The following MAPKBP1 variants were observed in gnomAD, a reference collection of about 807,000 sequenced individuals.
MAPKBP1 encodes mitogen-activated protein kinase binding protein 1, also known as mitogen-activated protein kinase-binding protein 1.
Under a neutral mutation model 170.5 loss-of-function variants are expected in MAPKBP1, and 71 were observed. That is an observed-to-expected ratio of 0.42 (90% CI 0.34 to 0.51). The LOEUF is 0.51. Among genes scored for constraint, MAPKBP1 ranks in the 20% least tolerant of loss-of-function variants. The pLI, the probability that MAPKBP1 is intolerant of heterozygous loss-of-function variation, is 0.06. For synonymous variants in MAPKBP1, 719 were observed against 757.9 expected (o/e 0.95, Z 0.84); for missense variants, 1,598 against 1,933.0 (o/e 0.83, Z 3.25).
At position 41,796,624 on chromosome 15, in the gene MAPKBP1, G is replaced by A. The variant is rs192379132; in HGVS notation, c.115-3199G>A. 2.6e-3 allele frequency among the ~76,000 whole-genome samples: 397 copies of A among 152,126 alleles called. 1 individual carries two copies. Among genetic ancestry groups the A allele is most frequent in the Non-Finnish European group, 4.8e-3 (325 of 68,014 alleles). ...TGCTTTTCCCCCCCCTTGGATAGCT[G>A]CTTAGAAAGCCAGAAAAAGCCAAAA... On this transcript the variant is annotated intron_variant, in intron 2 of 30. Transcript: ENST00000457542.
intron 12 of MAPKBP1, 41 bp downstream of exon 12, chr15:41,815,840 G>T: frequency 6.3e-7 from 1 of 1,577,356 alleles, no homozygotes; most frequent in Non-Finnish European, 8.7e-7. Flanking sequence ...GCCTCTCATG[G>T]TGCAGAGTTG....
In MAPKBP1 at chr15:41,826,764, G is replaced by A. The variant is rs535755140; in HGVS notation, c.*1328G>A. 6.6e-6 allele frequency: 1 copy of A among 152,466 alleles called. No homozygotes were observed. Among genetic ancestry groups the A allele is most frequent in the East Asian group, 1.9e-4 (1 of 5,184 alleles). 9.4% of individuals were successfully genotyped at this position (152,466 alleles called of 1,614,324 possible). On this transcript the variant is annotated 3_prime_UTR_variant, in exon 31 of 31. Transcript: ENST00000457542. ...GTAGATGGGACAGGTAAGTGGCAGA[G>A]GTGAGGGGATAAGTTAGAATGTAAA...
At position 41,824,472 on chromosome 15, in the gene MAPKBP1, C is replaced by T. The variant is rs770439957; in HGVS notation, c.4214-12C>T. 5.1e-5 allele frequency: 81 copies of T among 1,580,440 alleles called. No individual in the cohort carries two copies. The highest frequency in any genetic ancestry group is 6.9e-5 in the South Asian group (6 of 86,480). Reference sequence around the variant, plus strand: ...ATGCTGGGCCTCACTGAGCTGTATCCGTCTCTTTCAGAGCCAGCGGTGAGC... The same window carrying T: ...ATGCTGGGCCTCACTGAGCTGTATCTGTCTCTTTCAGAGCCAGCGGTGAGC... On this transcript the variant is annotated splice_polypyrimidine_tract_variant and intron_variant, in intron 29 of 30. Coordinates refer to ENST00000457542, the MANE Select transcript of MAPKBP1 (RefSeq NM_014994.3).
At chr15:41,809,289 G>A (rs2064762277) in intron 3 of MAPKBP1, among the ~76,000 whole-genome samples, 1 of 152,138 alleles carries the variant, frequency 6.6e-6, no homozygotes, top group African/African-American at 2.4e-5. Context: ...AAAAAAACAG[G>A]AAGAGTTGAG....
chr15:41,797,130 GAATT>G (rs1210474339), intron 2 of MAPKBP1, among the ~76,000 whole-genome samples: 1 of 152,076 alleles, frequency 6.6e-6, no homozygotes, highest in African/African-American at 2.4e-5. Context: ...TTGCTTTAGA[GAATT>G]AATTCTCTTT....
chr15:41,811,123 G>C, intron 4 of MAPKBP1, 55 bp from the exon 5 acceptor site: 1 of 1,601,270 alleles, frequency 6.2e-7, no homozygotes, highest in South Asian at 1.1e-5. Flanking sequence ...CTGGGAGGGG[G>C]CTAGGCTTAG....
chr15:41,817,886 C>G lies in MAPKBP1; in HGVS notation c.1905-123C>G. ...TTTGCTTCACCCAAGAGGTGGTAGC[C>G]TGTTTGCTGCTGGGGGTAGCTCCCA... On this transcript the variant is annotated intron_variant, in intron 16 of 30. Transcript: ENST00000457542. The surrounding 1 kb of genome is among the most constrained non-coding windows in gnomAD (Gnocchi z 4.2). 28 of 1,515,788 alleles carry G rather than the reference C, an allele frequency of 1.8e-5. No homozygotes were observed. Among genetic ancestry groups the G allele is most frequent in the Non-Finnish European group, 2.5e-5 (27 of 1,098,322 alleles). 93.9% of individuals were successfully genotyped at this position (1,515,788 alleles called of 1,614,324 possible). A position where few individuals can be genotyped will look rare whatever the true frequency, so the allele number is the denominator to read the frequency against.
Position 41,813,117 on chromosome 15 carries a change from C to T in MAPKBP1, c.819+16C>T, listed in dbSNP as rs752601453. ...GGAGCTGAGGGTAAGTACCTCCGTC[C>T]CCAGGGGTAGGGTCTGCTCATGTCT... On this transcript the variant is annotated intron_variant, in intron 8 of 30. Coordinates refer to ENST00000457542, the MANE Select transcript of MAPKBP1 (RefSeq NM_014994.3). 8 of 1,588,404 alleles carry T rather than the reference C, an allele frequency of 5.0e-6. No individual in the cohort carries two copies. Among genetic ancestry groups the T allele is most frequent in the Non-Finnish European group, 6.9e-6 (8 of 1,167,450 alleles).
intron 24 of MAPKBP1, 54 bp from the exon 25 acceptor site, chr15:41,821,911 C>A: frequency 2.5e-6 from 4 of 1,588,006 alleles, no homozygotes; most frequent in Non-Finnish European, 3.4e-6. Flanking sequence ...TCCAGCGGGG[C>A]TGCTGCCTAC....
chr15:41,793,261 G>T (rs1402520278), intron 2 of MAPKBP1, among the ~76,000 whole-genome samples: 2 of 152,224 alleles, frequency 1.3e-5, no homozygotes, highest in South Asian at 2.1e-4. Flanking sequence ...GCCGAGATGG[G>T]TGGATCATGA....
chr15:41,791,806 C>T (rs901112711), intron 2 of MAPKBP1, among the ~76,000 whole-genome samples: 3 of 152,136 alleles, frequency 2.0e-5, no homozygotes, highest in African/African-American at 7.2e-5. Flanking sequence ...GCCTGTACCT[C>T]ATCTTCTCCA....
intron 5 of MAPKBP1, 88 bp from the exon 6 acceptor site, chr15:41,811,869 A>T: frequency 7.4e-7 from 1 of 1,356,788 alleles, no homozygotes; most frequent in Non-Finnish European, 1.0e-6. Flanking sequence ...GTAGCTGAGG[A>T]GGCGAGGGCC....
Position 41,823,531 on chromosome 15 carries a change from T to C in MAPKBP1, c.3683T>C (p.Leu1228Pro). The C allele has an allele frequency of 6.2e-7, 1 of 1,614,136 alleles. No individual in the cohort carries two copies. The highest frequency in any genetic ancestry group is 8.5e-7 in the Non-Finnish European group (1 of 1,180,002). Residue 1228 changes from leucine to proline, a missense_variant, in exon 29 of 31, where the codon CTG becomes CCG. By Grantham distance (98) the Leu-to-Pro change is moderately conservative. Transcript: ENST00000457542. Reference sequence around the variant, plus strand: ...GAAGCTCAGGATGGTCTGGGCTCCCTGCCCCCAGCTGATGGCCGTCCGTCT... The same window carrying C: ...GAAGCTCAGGATGGTCTGGGCTCCCCGCCCCCAGCTGATGGCCGTCCGTCT... ...EIEAQDGLGS[L>P]PPADGRPSRP...
At chr15:41,798,778 G>A (rs962303632) in intron 2 of MAPKBP1, among the ~76,000 whole-genome samples, 6 of 152,172 alleles carry the variant, frequency 3.9e-5, no homozygotes, top group African/African-American at 1.2e-4. Context: ...CTCTCCTCAG[G>A]TTCGGTGTTT....
Position 41,821,595 on chromosome 15 carries a change from C to G in MAPKBP1, c.2730C>G (p.Pro910=), listed in dbSNP as rs1340603707. The G allele has an allele frequency of 8.1e-6, 13 of 1,613,404 alleles. No homozygotes were observed. The highest frequency in any genetic ancestry group is 1.1e-5 in the Non-Finnish European group (13 of 1,179,874). Residue 910 remains proline, a synonymous_variant, in exon 24 of 31, where the codon CCC becomes CCG. Coordinates refer to ENST00000457542, the MANE Select transcript of MAPKBP1 (RefSeq NM_014994.3). ...ETSLTSQNEK[P]PRPQASQPCS... The stretch of plus-strand genomic sequence containing the variant: ...TTGTGTGTTCCCAGAATGAAAAGCC[C>G]CCTCGGCCTCAGGCTTCCCAACCTT...
intron 2 of MAPKBP1, among the ~76,000 whole-genome samples, chr15:41,777,622 A>C (rs959720771): frequency 2.0e-5 from 3 of 152,156 alleles, no homozygotes; most frequent in African/African-American, 7.2e-5. Flanking sequence ...AGCACCCAAG[A>C]GGAGTAGCTG....
Position 41,817,963 on chromosome 15 carries a change from C to T in MAPKBP1, c.1905-46C>T. 1 of 1,589,918 alleles carries T rather than the reference C, an allele frequency of 6.3e-7. No homozygotes were observed. Among genetic ancestry groups the T allele is most frequent in the Non-Finnish European group, 8.6e-7 (1 of 1,158,204 alleles). On this transcript the variant is annotated intron_variant, in intron 16 of 30. Transcript: ENST00000457542. This position sits in a 1 kb window ranked among gnomAD's most constrained non-coding sequence, Gnocchi z 4.2. Reference sequence around the variant, plus strand: ...GGCATTTCCATCCCCCAGGCGTGTTCCACCTTCACCGCCTCCTCATGAGAA... The same window carrying T: ...GGCATTTCCATCCCCCAGGCGTGTTTCACCTTCACCGCCTCCTCATGAGAA...
At chr15:41,805,948 C>G (rs1317125160) in intron 3 of MAPKBP1, among the ~76,000 whole-genome samples, 1 of 152,162 alleles carries the variant, frequency 6.6e-6, no homozygotes, top group Non-Finnish European at 1.5e-5. Context: ...GCCTGAGGTA[C>G]AGGAGAACCA....
In MAPKBP1 at chr15:41,821,718, G is replaced by A. The variant is rs761236799; in HGVS notation, c.2853G>A (p.Pro951=). ...PAPIEDGIVY[P]EPSDNPTMDT... is the part of the protein sequence containing the mutation. ...CCATTGAAGATGGTATTGTCTACCC[G>A]GAGCCGAGTGACAACCCCACCATGG... The change falls in exon 24 of 31, where the codon CCG becomes CCA. Residue 951 remains proline, a synonymous_variant. Transcript: ENST00000457542. 10 of 1,613,910 alleles carry A rather than the reference G, an allele frequency of 6.2e-6. No homozygotes were observed. The highest frequency in any genetic ancestry group is 3.3e-5 in the Admixed American group (2 of 59,986).
Sources: allele counts gnomAD v4.1 joint callset (sites outside exome capture counted in the v4.1 genomes callset), GRCh38; gene constraint gnomAD v4.1.1; non-coding constraint Gnocchi (gnomAD v3.1); transcripts MANE v1.5; gene names NCBI Gene and HGNC (gene_info 2026-07-23, HGNC 2026-07-21).